The following CEP120 variants were observed in gnomAD, a reference collection of about 807,000 sequenced individuals.
CEP120 encodes the protein centrosomal protein 120.
In CEP120, 113 loss-of-function variants were observed where a neutral mutation model predicts 126.5. The ratio of observed to expected loss-of-function variants is 0.89; its 90% CI spans 0.77 to 1.04. The LOEUF (loss-of-function observed/expected upper bound fraction) is 1.04. CEP120 is among the 50% of genes least tolerant of loss of function. The probability of loss-of-function intolerance (pLI) is 0.00; values close to 1 mark genes in which losing one functional copy is unlikely to be tolerated. For synonymous variants in CEP120, 400 were observed against 394.3 expected (o/e 1.01, Z -0.17); for missense variants, 1,230 against 1,155.7 (o/e 1.06, Z -0.93).
chr5:123,422,692 A>C, intron 1 of CEP120: 5 of 792,674 alleles, frequency 6.3e-6, no homozygotes, highest in Non-Finnish European at 1.0e-5. Context: ...GCTTTGGATG[A>C]AAATCGTTTT....
intron 19 of CEP120, 136 bp from the exon 20 acceptor site, chr5:123,346,889 A>C: frequency 1.6e-6 from 1 of 610,320 alleles, no homozygotes; most frequent in Non-Finnish European, 2.6e-6. Flanking sequence ...AAAAAAAACC[A>C]GTGTTCCACT....
chr5:123,412,677 A>C (rs1774141871), intron 3 of CEP120, 137 bp from the exon 4 acceptor site: 4 of 525,470 alleles, frequency 7.6e-6, no homozygotes, highest in Non-Finnish European at 1.2e-5. Flanking sequence ...CATTTTTCTC[A>C]AAACAAATCA....
At chr5:123,421,118 T>C (rs530537097) in intron 1 of CEP120, among the ~76,000 whole-genome samples, 2 of 152,350 alleles carry the variant, frequency 1.3e-5, no homozygotes, top group East Asian at 1.9e-4. Flanking sequence ...TTTAGGAATA[T>C]ATGCTGCCAA....
chr5:123,355,542 A>T (rs1769534246), intron 18 of CEP120, among the ~76,000 whole-genome samples: 1 of 152,256 alleles, frequency 6.6e-6, no homozygotes, highest in South Asian at 2.1e-4. Flanking sequence ...GCCAGTGATG[A>T]TGAGCATTTT....
In CEP120 at chr5:123,388,421, T is replaced by G; in HGVS notation, c.1430+11A>C. 6.8e-7 allele frequency: 1 copy of G among 1,470,800 alleles called. No individual in the cohort carries two copies. Among genetic ancestry groups the G allele is most frequent in the South Asian group, 1.5e-5 (1 of 68,366 alleles). 91.1% of individuals were successfully genotyped at this position (1,470,800 alleles called of 1,614,324 possible). A position where few individuals can be genotyped will look rare whatever the true frequency, so the allele number is the denominator to read the frequency against. Reference sequence around the variant, plus strand: ...CAGAAAATAATACTTTGAAACAAAATCAAATCACACCTTAATATACAGTTG... The same window carrying G: ...CAGAAAATAATACTTTGAAACAAAAGCAAATCACACCTTAATATACAGTTG... On this transcript the variant is annotated intron_variant, in intron 9 of 19. Transcript: ENST00000306467.
Position 123,388,626 on chromosome 5 carries a change from A to C in CEP120, c.1256-20T>G. ...AACTGGCTGAAATGAACATAAAATAAAACAAAATAATCACACTTGCTAACA... is the reference window on the plus strand; with the variant it reads ...AACTGGCTGAAATGAACATAAAATACAACAAAATAATCACACTTGCTAACA... On this transcript the variant is annotated intron_variant, in intron 8 of 19. Transcript: ENST00000306467. The C allele has an allele frequency of 1.3e-6, 2 of 1,516,438 alleles. No homozygotes were observed. The highest frequency in any genetic ancestry group is 1.8e-6 in the Non-Finnish European group (2 of 1,132,780). The allele number at this position is 1,516,438 out of a possible 1,614,324, so 93.9% of individuals were successfully genotyped here.
intron 16 of CEP120, 104 bp downstream of exon 16, chr5:123,377,270 A>G: frequency 9.5e-7 from 1 of 1,048,336 alleles, no homozygotes; most frequent in Non-Finnish European, 1.4e-6. Flanking sequence ...AATAGTCTAA[A>G]TTACTATGAA....
chr5:123,346,845 G>A, intron 19 of CEP120, 92 bp from the exon 20 acceptor site: 1 of 933,456 alleles, frequency 1.1e-6, no homozygotes, highest in Non-Finnish European at 1.5e-6. Context: ...GGTAAGACAA[G>A]GTTTTAGTAA....
At chr5:123,402,643 C>T (rs2127101039) in intron 4 of CEP120, among the ~76,000 whole-genome samples, 1 of 152,266 alleles carries the variant, frequency 6.6e-6, no homozygotes, top group East Asian at 1.9e-4. Flanking sequence ...AAACTCCTGG[C>T]CTCAAGTGAT....
intron 18 of CEP120, among the ~76,000 whole-genome samples, chr5:123,352,574 C>T (rs1163110142): frequency 6.6e-6 from 1 of 151,992 alleles, no homozygotes; most frequent in Non-Finnish European, 1.5e-5. Flanking sequence ...ATTAACACTA[C>T]ACTGTTTTAA....
chr5:123,382,308 G>T, intron 13 of CEP120, 108 bp from the exon 14 acceptor site: 2 of 385,788 alleles, frequency 5.2e-6, no homozygotes, highest in Non-Finnish European at 4.5e-6. Context: ...GATTTTTTCA[G>T]GCATTCTTTT....
rs147417442 is a variant in CEP120 at position 123,354,868 on chromosome 5, T to G, written c.2581-4779A>C. On this transcript the variant is annotated intron_variant, in intron 18 of 19. Coordinates refer to ENST00000306467, the MANE Select transcript of CEP120 (RefSeq NM_001375405.1). ...GTTATATATGTATACATGTGCCATG[T>G]TGGTGTGCTGCACCCATTAACTCGT... 4.4e-3 allele frequency among the ~76,000 whole-genome samples: 670 copies of G among 152,136 alleles called. 5 individuals are homozygous for G. The highest frequency in any genetic ancestry group is 0.015 in the African/African-American group (638 of 41,504).
intron 9 of CEP120, among the ~76,000 whole-genome samples, chr5:123,387,464 G>A (rs142631330): frequency 6.6e-6 from 1 of 152,060 alleles, no homozygotes; most frequent in Non-Finnish European, 1.5e-5. Flanking sequence ...ATGCAGATAA[G>A]AAACTTTTCA....
intron 14 of CEP120, among the ~76,000 whole-genome samples, chr5:123,381,280 A>G (rs1372288639): frequency 2.0e-5 from 3 of 152,114 alleles, no homozygotes; most frequent in African/African-American, 7.2e-5. Flanking sequence ...GGGGAACCCA[A>G]ACAGACACTA....
At chr5:123,358,341 G>C (rs1311287537) in intron 18 of CEP120, 6 of 152,070 alleles carry the variant, frequency 3.9e-5, no homozygotes, top group African/African-American at 7.2e-5. Context: ...CCAGGAGGCA[G>C]GTGGAAAGAG....
intron 14 of CEP120, among the ~76,000 whole-genome samples, chr5:123,381,395 T>C (rs866035140): frequency 7.9e-6 from 1 of 126,286 alleles, no homozygotes; most frequent in African/African-American, 3.0e-5. Flanking sequence ...TGGAGCCCTG[T>C]AGAGCCATCC....
At chr5:123,401,574 T>C in intron 4 of CEP120, 11 of 1,383,976 alleles carry the variant, frequency 7.9e-6, no homozygotes, top group Non-Finnish European at 2.0e-6. Flanking sequence ...ATGACGCTGT[T>C]CATGTCCAGG....
At chr5:123,389,376 T>C (rs564668369) in intron 8 of CEP120, among the ~76,000 whole-genome samples, 6 of 152,224 alleles carry the variant, frequency 3.9e-5, no homozygotes, top group Non-Finnish European at 8.8e-5. Flanking sequence ...TTAATGTCTA[T>C]TGAATAGGAT....
At chr5:123,392,963 C>A (rs915166332) in intron 6 of CEP120, among the ~76,000 whole-genome samples, 6 of 152,126 alleles carry the variant, frequency 3.9e-5, no homozygotes. Flanking sequence ...TGTGCCTACA[C>A]CTAATATCTC....
Sources: allele counts gnomAD v4.1 joint callset (sites outside exome capture counted in the v4.1 genomes callset), GRCh38; gene constraint gnomAD v4.1.1; transcripts MANE v1.5; gene names NCBI Gene and HGNC (gene_info 2026-07-23, HGNC 2026-07-21).